The following BCL2L14 variants were observed in gnomAD, a reference collection of about 807,000 sequenced individuals.
The protein encoded by BCL2L14 is apoptosis facilitator Bcl-2-like protein 14.
Under a neutral mutation model 35.3 loss-of-function variants are expected in BCL2L14, and 27 were observed. That is an observed-to-expected ratio of 0.76 (90% confidence interval 0.56 to 1.05). The LOEUF (loss-of-function observed/expected upper bound fraction) is 1.05. Ranked by LOEUF, BCL2L14 falls within the 50% of genes least tolerant of loss-of-function variation. BCL2L14 has a pLI of 0.00. For synonymous variants in BCL2L14, 139 were observed against 145.9 expected (o/e 0.95, Z 0.34); for missense variants, 377 against 382.6 (o/e 0.99, Z 0.12).
chr12:12,063,350 C>T (rs1349308842), intron 2 of BCL2L14, among the ~76,000 whole-genome samples: 4 of 151,024 alleles, frequency 2.6e-5, no homozygotes, highest in Non-Finnish European at 5.9e-5. Context: ...TGTCCTAGGT[C>T]CTCCCAATTC....
intron 1 of BCL2L14, among the ~76,000 whole-genome samples, chr12:12,076,515 G>A (rs1266616134): frequency 6.6e-6 from 1 of 152,152 alleles, no homozygotes; most frequent in Non-Finnish European, 1.5e-5. Context: ...GTTATGTGAG[G>A]GAGGTTTGCG....
intron 1 of BCL2L14, among the ~76,000 whole-genome samples, chr12:12,074,723 G>A (rs1027685988): frequency 1.1e-4 from 16 of 152,150 alleles, no homozygotes; most frequent in African/African-American, 2.7e-4. Context: ...ACAGGCGTGA[G>A]CCACCGCGCC....
chr12:12,094,848 A>T lies in BCL2L14; in HGVS notation c.863A>T (p.His288Leu), dbSNP rs1311473863. The T allele has an allele frequency of 7.4e-6, 12 of 1,614,072 alleles. No individual in the cohort carries two copies. Among genetic ancestry groups the T allele is most frequent in the African/African-American group, 1.3e-5 (1 of 74,930 alleles). ...VTAKLTAIDN[H>L]PMNRVLGFGT... ...GCCAAGCTCACAGCTATTGACAACCACCCGATGAACAGGGTCCTGGGCTTT... is the reference window on the plus strand; with the variant it reads ...GCCAAGCTCACAGCTATTGACAACCTCCCGATGAACAGGGTCCTGGGCTTT... Residue 288 changes from histidine to leucine, a missense_variant, in exon 5 of 6, where the codon CAC becomes CTC. By Grantham distance (99) the His-to-Leu change is moderately conservative (BLOSUM62 -3). Coordinates refer to ENST00000308721, the MANE Select transcript of BCL2L14 (RefSeq NM_138723.2).
chr12:12,077,252 G>A (rs1450249674), intron 1 of BCL2L14, among the ~76,000 whole-genome samples: 1 of 152,138 alleles, frequency 6.6e-6, no homozygotes, highest in Non-Finnish European at 1.5e-5. Context: ...TATTAAGACA[G>A]AGCCTGAGGC....
intron 1 of BCL2L14, among the ~76,000 whole-genome samples, chr12:12,073,580 ACACACAAACATGCATGCACGCG>A (rs1948714534): frequency 6.6e-6 from 1 of 151,622 alleles, no homozygotes; most frequent in African/African-American, 2.4e-5. Context: ...ATGCACACGC[ACACACAAACATGCATGCACGCG>A]CACACACACA....
upstream of BCL2L14, among the ~76,000 whole-genome samples, chr12:12,069,354 T>G (rs777830688): frequency 6.6e-6 from 1 of 152,104 alleles, no homozygotes; most frequent in Non-Finnish European, 1.5e-5. Context: ...ACCCTGTTTA[T>G]TCTTGAATTG....
intron 2 of BCL2L14, among the ~76,000 whole-genome samples, chr12:12,083,287 A>C (rs1948968906): frequency 6.6e-6 from 1 of 152,100 alleles, no homozygotes; most frequent in South Asian, 2.1e-4. Context: ...TTTAACTGTA[A>C]GTCACTATGT....
chr12:12,062,913 A>G (rs1214975294), intron 2 of BCL2L14, among the ~76,000 whole-genome samples: 2 of 152,216 alleles, frequency 1.3e-5, no homozygotes, highest in Non-Finnish European at 2.9e-5. Context: ...AGGTCTTTTA[A>G]AAACACACCT....
chr12:12,078,076 G>C (rs1948821716), intron 1 of BCL2L14: 1 of 304,636 alleles, frequency 3.3e-6, no homozygotes, highest in Non-Finnish European at 6.8e-6. Context: ...TGTTGTTTTA[G>C]TGCTTGTACT....
intron 1 of BCL2L14, among the ~76,000 whole-genome samples, chr12:12,050,844 G>A (rs1268963634): frequency 6.8e-6 from 1 of 147,670 alleles, no homozygotes. Flanking sequence ...AAGAATGGCC[G>A]TGCATAAATC....
intron 2 of BCL2L14, among the ~76,000 whole-genome samples, chr12:12,056,575 C>G (rs1344260745): frequency 6.6e-6 from 1 of 152,102 alleles, no homozygotes; most frequent in East Asian, 1.9e-4. Flanking sequence ...CACGCTCACT[C>G]GTAATCCCAG....
intron 2 of BCL2L14, among the ~76,000 whole-genome samples, chr12:12,085,033 G>C (rs1378626741): frequency 6.8e-6 from 1 of 147,154 alleles, no homozygotes; most frequent in Non-Finnish European, 1.5e-5. Context: ...GCAGCGAGCC[G>C]AGATCGTGCC....
chr12:12,061,577 A>G (rs1210477380), intron 2 of BCL2L14, among the ~76,000 whole-genome samples: 1 of 151,978 alleles, frequency 6.6e-6, no homozygotes, highest in Admixed American at 6.6e-5. Context: ...TGCCAAACCC[A>G]TATACTCTCC....
At chr12:12,083,152 G>C (rs1948965327) in intron 2 of BCL2L14, among the ~76,000 whole-genome samples, 1 of 152,130 alleles carries the variant, frequency 6.6e-6, no homozygotes, top group Non-Finnish European at 1.5e-5. Context: ...TTTTAGTAGA[G>C]ACAGGGTTTC....
At chr12:12,069,451 G>A (rs749430608), upstream of BCL2L14, among the ~76,000 whole-genome samples, 4 of 152,052 alleles carry the variant, frequency 2.6e-5, no homozygotes, top group African/African-American at 4.8e-5. Flanking sequence ...TGTAATCCCA[G>A]CACTTTGGGA....
intron 5 of BCL2L14, chr12:12,095,292 A>T (rs1949290229): frequency 5.1e-6 from 5 of 985,412 alleles, no homozygotes; most frequent in Non-Finnish European, 6.0e-6. Context: ...GGGCAGGCAG[A>T]CAGTTCCTCA....
chr12:12,090,724 TG>T, intron 3 of BCL2L14, 54 bp from the exon 4 acceptor site: 1 of 1,437,460 alleles, frequency 7.0e-7, no homozygotes, highest in Non-Finnish European at 9.7e-7. Flanking sequence ...CCTGGAAAAA[TG>T]TAAGATTATT....
Position 12,051,475 on chromosome 12 carries a change from C to T in BCL2L14, c.-323-321C>T, listed in dbSNP as rs549891488. On this transcript the variant is annotated intron_variant, in intron 1 of 3. Coordinates refer to the BCL2L14 transcript ENST00000461264. The stretch of plus-strand genomic sequence containing the variant: ...GCCTCTGCTTGAATACCTTAACTCG[C>T]CTCTCATGAGGCACCCATCTCCTCA... 3.9e-5 allele frequency among the ~76,000 whole-genome samples: 6 copies of T among 152,250 alleles called. No individual in the cohort carries two copies. In the East Asian group the frequency reaches 1.2e-3, roughly 29 times the overall value.
rs552967135 is a variant in BCL2L14 at position 12,058,893 on chromosome 12, A to G, written c.-272+7046A>G. ...ACCTATGACCTCAGGTTCTCAGACC[A>G]AGCAGCCCAAGAAACATCTCACCAA... On this transcript the variant is annotated intron_variant, in intron 2 of 3. Coordinates refer to the BCL2L14 transcript ENST00000461264. Among the ~76,000 whole-genome samples the G allele has an allele frequency of 5.3e-5, 8 of 152,324 alleles. No homozygotes were observed. In the South Asian group the frequency reaches 1.0e-3, roughly 20 times the overall value.
Sources: allele counts gnomAD v4.1 joint callset (sites outside exome capture counted in the v4.1 genomes callset), GRCh38; gene constraint gnomAD v4.1.1; transcripts MANE v1.5; gene names NCBI Gene and HGNC (gene_info 2026-07-23, HGNC 2026-07-21).